Variants in RYR1 observed in about 807,000 individuals in gnomAD.
RYR1 encodes central core disease of muscle.
A neutral mutation model predicts 583.5 loss-of-function variants in RYR1; 342 were observed. The ratio of observed to expected loss-of-function variants is 0.59; its 90% CI spans 0.54 to 0.64. The LOEUF (loss-of-function observed/expected upper bound fraction) is 0.64, where lower values mean the gene tolerates loss of function less well. Ranked by LOEUF, RYR1 falls within the 30% of genes least tolerant of loss-of-function variation. The pLI, the probability that RYR1 is intolerant of heterozygous loss-of-function variation, is 0.00. For missense variants in RYR1, 6,032 were observed against 6,917.2 expected (o/e 0.87, Z 4.54); for synonymous variants, 2,791 against 2,822.5 (o/e 0.99, Z 0.35).
rs547516961 is a variant in RYR1 at position 38,463,647 on chromosome 19, G to T, written c.2683-100G>T. On this transcript the variant is annotated intron_variant, in intron 21 of 105. Transcript: ENST00000359596. ...GGCACCAGGGGGTCCTTGGACTGAGGGTGGCAGAACTAGGGTTGGAGGTCA... is the reference window on the plus strand; with the variant it reads ...GGCACCAGGGGGTCCTTGGACTGAGTGTGGCAGAACTAGGGTTGGAGGTCA... 8.2e-6 allele frequency: 12 copies of T among 1,458,728 alleles called. No homozygotes were observed. In the African/African-American group the frequency reaches 1.7e-4, roughly 20 times the overall value. 90.4% of individuals were successfully genotyped at this position (1,458,728 alleles called of 1,614,324 possible). A position where few individuals can be genotyped will look rare whatever the true frequency, so the allele number is the denominator to read the frequency against.
rs548854139 is a variant in RYR1, at chr19:38,508,534, G to A, written c.8932+707G>A. 5.3e-5 allele frequency among the ~76,000 whole-genome samples: 8 copies of A among 152,292 alleles called. No individual in the cohort carries two copies. In the East Asian group the frequency reaches 1.5e-3, roughly 29 times the overall value. The stretch of plus-strand genomic sequence containing the variant: ...CTTGCCAGTTGTAATTTTAAATAGG[G>A]TGTTCCAGAAAGACTTTGATGAGAA... On this transcript the variant is annotated intron_variant, in intron 58 of 105. Coordinates refer to ENST00000359596, the MANE Select transcript of RYR1 (RefSeq NM_000540.3).
Position 38,543,988 on chromosome 19 carries a change from A to G in RYR1, c.12012+113A>G, listed in dbSNP as rs1972317786. 5 of 1,081,850 alleles carry G rather than the reference A, an allele frequency of 4.6e-6. No homozygotes were observed. The highest frequency in any genetic ancestry group is 6.8e-6 in the Non-Finnish European group (5 of 731,014). The allele number at this position is 1,081,850 out of a possible 1,614,324, so 67.0% of individuals were successfully genotyped here. The stretch of plus-strand genomic sequence containing the variant: ...CACCCGAGTGCTCCCGGCATGTTCC[A>G]GACTGGTTCCCTCTCAGTGGCCAAA... On this transcript the variant is annotated intron_variant, in intron 87 of 105. Coordinates refer to ENST00000359596, the MANE Select transcript of RYR1 (RefSeq NM_000540.3). This position sits in a 1 kb window ranked among gnomAD's most constrained non-coding sequence, Gnocchi z 4.4.
At chr19:38,547,787 C>T (rs184927152) in intron 88 of RYR1, among the ~76,000 whole-genome samples, 12 of 151,400 alleles carry the variant, frequency 7.9e-5, no homozygotes, top group African/African-American at 2.4e-4. Flanking sequence ...ACGATCTCGG[C>T]TCTGCAACCT....
intron 70 of RYR1, 68 bp downstream of exon 70, chr19:38,523,997 GC>G: frequency 6.4e-7 from 1 of 1,562,280 alleles, no homozygotes; most frequent in South Asian, 1.1e-5. Flanking sequence ...GCCTCTGCAC[GC>G]CCCCGCCTCG....
In RYR1 at chr19:38,477,827, G is replaced by A. The variant is rs767558988; in HGVS notation, c.4411G>A (p.Val1471Met). ...MSFDLSKVRVVTVTMGDEQGN... is the reference protein window; with the variant it reads ...MSFDLSKVRVMTVTMGDEQGN... ...CTTCGACCTCAGCAAGGTCCGGGTC[G>A]TGACGGTGACCATGGGGGATGAACA... Residue 1471 changes from valine (V) to methionine (M), a missense_variant, in exon 30 of 106, where the codon GTG becomes ATG. This residue lies in a region of RYR1 where 2,627 missense variants were observed against 2,961.3 expected (regional missense o/e 0.89). Transcript: ENST00000359596. The A allele has an allele frequency of 9.3e-6, 15 of 1,612,986 alleles. No homozygotes were observed. Among genetic ancestry groups the A allele is most frequent in the South Asian group, 5.5e-5 (5 of 91,046 alleles).
Position 38,496,315 on chromosome 19 carries a change from G to A in RYR1, c.6649G>A (p.Gly2217Ser), listed in dbSNP as rs1158140216. 1.2e-6 allele frequency: 2 copies of A among 1,614,034 alleles called. No individual in the cohort carries two copies. Among genetic ancestry groups the A allele is most frequent in the South Asian group, 1.1e-5 (1 of 91,084 alleles). ...GGAGGTCATGGTCAACGTCCTCGGG[G>A]GCGGCGAGTCCAAGGTGAGGGCCCA... ...VMEVMVNVLG[G>S]GESKEIRFPK... is the part of the protein sequence containing the mutation. Residue 2217 changes from glycine (G) to serine (S), a missense_variant, in exon 40 of 106, where the codon GGC becomes AGC. Coordinates refer to ENST00000359596, the MANE Select transcript of RYR1 (RefSeq NM_000540.3). The surrounding 1 kb of genome is among the most constrained non-coding windows in gnomAD (Gnocchi z 4.8).
At chr19:38,482,159 A>G (rs1469472034) in intron 31 of RYR1, among the ~76,000 whole-genome samples, 1 of 152,094 alleles carries the variant, frequency 6.6e-6, no homozygotes. Flanking sequence ...CCAAATCAGA[A>G]TCTGTATTTT....
chr19:38,552,035 C>T (rs1389031944), intron 89 of RYR1, among the ~76,000 whole-genome samples: 2 of 152,140 alleles, frequency 1.3e-5, no homozygotes, highest in Non-Finnish European at 2.9e-5. Flanking sequence ...GTAGCCTCCA[C>T]CTCCCAGGCT....
In RYR1 at chr19:38,467,742, C is replaced by G. The variant is rs149096607; in HGVS notation, c.3311C>G (p.Ala1104Gly). The change falls in exon 25 of 106, where the codon GCG becomes GGG. Residue 1104 changes from alanine to glycine, a missense_variant. This residue lies in a region of RYR1 where 2,627 missense variants were observed against 2,961.3 expected (regional missense o/e 0.89). Transcript: ENST00000359596. ...ACAGGCGAGATGCGCGTGGGCTGGG[C>G]GAGGCCCGAGCTGAGGCCTGATGTA... ...VTTGEMRVGW[A>G]RPELRPDVEL... 6.2e-7 allele frequency: 1 copy of G among 1,614,200 alleles called. No homozygotes were observed. Among genetic ancestry groups the G allele is most frequent in the South Asian group, 1.1e-5 (1 of 91,088 alleles).
intron 9 of RYR1, among the ~76,000 whole-genome samples, chr19:38,447,038 T>G (rs1298758073): frequency 6.6e-6 from 1 of 151,142 alleles, no homozygotes; most frequent in Non-Finnish European, 1.5e-5. Flanking sequence ...CCCCCGTCTC[T>G]GCAAAAAAAA....
intron 71 of RYR1, 159 bp from the exon 72 acceptor site, chr19:38,526,834 C>G (rs1971486900): frequency 1.4e-6 from 1 of 701,874 alleles, no homozygotes. Context: ...CCCTTCTGAC[C>G]CCGTCAACCT....
intron 49 of RYR1, 25 bp downstream of exon 49, chr19:38,502,995 C>A (rs942928972): frequency 6.2e-7 from 1 of 1,603,666 alleles, no homozygotes; most frequent in Middle Eastern, 1.7e-4. Flanking sequence ...TCTTTAGCAT[C>A]TCATTTCCAG....
intron 99 of RYR1, 80 bp downstream of exon 99, chr19:38,578,284 A>G: frequency 1.4e-6 from 2 of 1,452,604 alleles, no homozygotes; most frequent in Non-Finnish European, 1.9e-6. Context: ...GGTGTTCCTG[A>G]CCAAAGAATG....
At chr19:38,505,200 A>G in intron 52 of RYR1, 109 bp from the exon 53 acceptor site, 1 of 1,176,694 alleles carries the variant, frequency 8.5e-7, no homozygotes, top group Admixed American at 1.9e-5. Context: ...TAAGACCCTT[A>G]GCTTGTTCTG....
chr19:38,468,968 C>A lies in RYR1; in HGVS notation c.3384C>A (p.Gly1128=), dbSNP rs1414440373. The A allele has an allele frequency of 2.5e-6, 4 of 1,614,108 alleles. No homozygotes were observed. Among genetic ancestry groups the A allele is most frequent in the Admixed American group, 1.7e-5 (1 of 60,012 alleles). The change falls in exon 26 of 106, where the codon GGC becomes GGA. Residue 1128 remains glycine, a splice_region_variant and synonymous_variant. Transcript: ENST00000359596. ...GTCTTCTCTGGCTGTCCTCACAGGG[C>A]CAGCGCTGGCACTTGGGCAGTGAAC... is the stretch of plus-strand genomic sequence containing the variant. ...ELAYVFNGHR[G]QRWHLGSEPF... is the part of the protein sequence containing the mutation.
chr19:38,463,666 G>A, intron 21 of RYR1, 81 bp from the exon 22 acceptor site: 2 of 1,488,502 alleles, frequency 1.3e-6, no homozygotes, highest in Non-Finnish European at 9.4e-7. Context: ...ACTAGGGTTG[G>A]AGGTCAGGGG....
At chr19:38,547,205 A>ATTTTTTTTTT (rs1204178433) in intron 88 of RYR1, among the ~76,000 whole-genome samples, 1 of 123,668 alleles carries the variant, frequency 8.1e-6, no homozygotes, top group Non-Finnish European at 1.7e-5. Flanking sequence ...CACCTGGCTA[A>ATTTTTTTTTT]TTTTTTTTTT....
chr19:38,468,044 TCCATCATC>T lies in RYR1; in HGVS notation c.3381+234_3381+241del, dbSNP rs1320325109. ...AACAATTCATCCATCCATCCATCCA[TCCATCATC>T]CATCCATCCATCCATCCATCCATCC... On this transcript the variant is annotated intron_variant, in intron 25 of 105. Coordinates refer to ENST00000359596, the MANE Select transcript of RYR1 (RefSeq NM_000540.3). Among the ~76,000 whole-genome samples, 1,633 of 139,862 alleles carry T rather than the reference TCCATCATC, an allele frequency of 0.012. 25 individuals are homozygous for T. The highest frequency in any genetic ancestry group is 0.033 in the African/African-American group (1,214 of 37,314). The allele number at this position is 139,862 out of a possible 152,430, so 91.8% of individuals were successfully genotyped here.
intron 28 of RYR1, among the ~76,000 whole-genome samples, chr19:38,474,181 A>AC (rs1968590093): frequency 6.6e-6 from 1 of 151,906 alleles, no homozygotes; most frequent in South Asian, 2.1e-4. Flanking sequence ...TCACAAATGT[A>AC]CCCCCCGAAA....
Sources: allele counts gnomAD v4.1 joint callset (sites outside exome capture counted in the v4.1 genomes callset), GRCh38; gene constraint gnomAD v4.1.1; regional missense constraint gnomAD v4.1.1; non-coding constraint Gnocchi (gnomAD v3.1); transcripts MANE v1.5; gene names NCBI Gene and HGNC (gene_info 2026-07-23, HGNC 2026-07-21).